Variants in ZNRF3 observed in about 807,000 individuals in gnomAD.
ZNRF3 encodes the protein E3 ubiquitin-protein ligase ZNRF3.
A neutral mutation model predicts 72.5 loss-of-function variants in ZNRF3; 23 were observed. That is an observed-to-expected ratio of 0.32 (90% CI 0.23 to 0.45). The LOEUF (loss-of-function observed/expected upper bound fraction) is 0.45, where lower values mean the gene tolerates loss of function less well. Ranked by LOEUF, ZNRF3 falls within the 20% of genes least tolerant of loss-of-function variation. The probability of loss-of-function intolerance (pLI) is 1.00; values close to 1 mark genes in which losing one functional copy is unlikely to be tolerated. For missense variants in ZNRF3, 1,169 were observed against 1,272.1 expected (o/e 0.92, Z 1.23); for synonymous variants, 610 against 545.3 (o/e 1.12, Z -1.65).
intron 2 of ZNRF3, among the ~76,000 whole-genome samples, chr22:29,028,572 C>G (rs1004133174): frequency 2.0e-5 from 3 of 152,090 alleles, no homozygotes; most frequent in Admixed American, 2.0e-4. Flanking sequence ...TTTTAGAACC[C>G]CCTGGGACAA....
chr22:28,942,107 T>C (rs1212337718), intron 1 of ZNRF3, among the ~76,000 whole-genome samples: 2 of 152,274 alleles, frequency 1.3e-5, no homozygotes, highest in Admixed American at 6.5e-5. Flanking sequence ...GTTTCAGGCC[T>C]GAAGCCAAAT....
In ZNRF3 at chr22:29,043,386, A is replaced by G. The variant is rs1271314041; in HGVS notation, c.589A>G (p.Lys197Glu). Residue 197 changes from lysine (K) to glutamate (E), a missense_variant, in exon 4 of 9, where the codon AAG (lysine) becomes GAG (glutamate). Around this residue, in one of 2 missense-constraint regions of ZNRF3, gnomAD observed 386 missense variants for 540.7 expected, o/e 0.71. Coordinates refer to ENST00000544604, the MANE Select transcript of ZNRF3 (RefSeq NM_001206998.2). ...DAIKLMNIVN[K>E]QKVARARIQH... ...CATTAAGCTGATGAACATCGTCAAC[A>G]AGCAGAAAGTGGCTCGAGCAAGGAT... 3 of 1,613,856 alleles carry G rather than the reference A, an allele frequency of 1.9e-6. No homozygotes were observed. Among genetic ancestry groups the G allele is most frequent in the East Asian group, 2.2e-5 (1 of 44,874 alleles).
rs1251184467 is a variant in ZNRF3, at chr22:28,884,038, C to A, written c.272C>A (p.Thr91Lys). The A allele has an allele frequency of 1.6e-6, 2 of 1,286,930 alleles. No homozygotes were observed. The highest frequency in any genetic ancestry group is 2.0e-6 in the Non-Finnish European group (2 of 997,532). The allele number at this position is 1,286,930 out of a possible 1,614,324, so 79.7% of individuals were successfully genotyped here. A position where few individuals can be genotyped will look rare whatever the true frequency, so the allele number is the denominator to read the frequency against. Residue 91 changes from threonine to lysine, a missense_variant, in exon 1 of 9, where the codon ACG (threonine) becomes AAG (lysine). Thr to Lys is a moderately conservative substitution (Grantham distance 78). Around this residue, in one of 2 missense-constraint regions of ZNRF3, gnomAD observed 386 missense variants for 540.7 expected, o/e 0.71. Coordinates refer to ENST00000544604, the MANE Select transcript of ZNRF3 (RefSeq NM_001206998.2). The part of the protein sequence containing the change: ...LTGRFSRAGA[T>K]LSAEGEIVQM... ...GGCCGCTTCTCGCGGGCCGGGGCCA[C>A]GCTCAGCGCCGAGGGCGAGATCGTG...
intron 2 of ZNRF3, among the ~76,000 whole-genome samples, chr22:29,039,199 A>C (rs1248441938): frequency 2.6e-5 from 4 of 152,206 alleles, no homozygotes; most frequent in Non-Finnish European, 5.9e-5. Flanking sequence ...TGAGTCCTTG[A>C]GACCTCCACG....
chr22:29,051,678 G>T (rs991004061), intron 8 of ZNRF3, among the ~76,000 whole-genome samples: 1 of 151,284 alleles, frequency 6.6e-6, no homozygotes, highest in Non-Finnish European at 1.5e-5. Flanking sequence ...AGGGCAAGGC[G>T]TGTGAATCAC....
At chr22:29,012,923 A>C (rs766527352) in intron 2 of ZNRF3, among the ~76,000 whole-genome samples, 1 of 152,214 alleles carries the variant, frequency 6.6e-6, no homozygotes, top group Non-Finnish European at 1.5e-5. Flanking sequence ...TACAGACATC[A>C]GCCATGGCTC....
intron 2 of ZNRF3, among the ~76,000 whole-genome samples, chr22:29,004,876 A>G (rs1009450705): frequency 2.6e-5 from 4 of 152,320 alleles, no homozygotes; most frequent in South Asian, 4.1e-4. Flanking sequence ...AAGGGCAGGG[A>G]CAGAGCAAGA....
At position 28,936,454 on chromosome 22, in the gene ZNRF3, T is replaced by G. The variant is rs764052060; in HGVS notation, c.301-50622T>G. On this transcript the variant is annotated intron_variant, in intron 1 of 8. Transcript: ENST00000544604. ...TACATCAGCAGGCAACCCTGACTCC[T>G]TTCAGCTCCTAGTGCCCCGGTACCT... Among the ~76,000 whole-genome samples the G allele has an allele frequency of 1.5e-3, 222 of 152,276 alleles. 4 individuals carry two copies. Among genetic ancestry groups the G allele is most frequent in the Non-Finnish European group, 4.9e-4 (33 of 68,020 alleles).
intron 2 of ZNRF3, among the ~76,000 whole-genome samples, chr22:29,014,244 A>C (rs4823003): frequency 0.57 from 86,802 of 151,876 alleles, 25,137 homozygotes; most frequent in African/African-American, 0.65. Context: ...TGATGGTTTT[A>C]TTGCTTTGGG....
intron 1 of ZNRF3, among the ~76,000 whole-genome samples, chr22:28,918,349 T>C (rs1812133694): frequency 6.6e-6 from 1 of 152,124 alleles, no homozygotes; most frequent in South Asian, 2.1e-4. Flanking sequence ...GAGTGGGGCT[T>C]GAATGCATTT....
At chr22:28,893,466 G>A (rs1050078477) in intron 1 of ZNRF3, among the ~76,000 whole-genome samples, 3 of 151,702 alleles carry the variant, frequency 2.0e-5, no homozygotes, top group Non-Finnish European at 2.9e-5. Context: ...GTGAGCCACC[G>A]TGCCAGCATT....
intron 8 of ZNRF3, 90 bp downstream of exon 8, chr22:29,051,038 T>G (rs1212082394): frequency 7.2e-7 from 1 of 1,393,642 alleles, no homozygotes; most frequent in African/African-American, 1.4e-5. Context: ...AATGACTTCT[T>G]TTGTGTCCTT....
At position 29,030,895 on chromosome 22, in the gene ZNRF3, C is replaced by G. The variant is rs1179028353; in HGVS notation, c.427-11600C>G. ...GTTTGTGGCTTCAGCGCTTTGATCT[C>G]CTGCCAGGGAAACCTGGAAGGTCAG... On this transcript the variant is annotated intron_variant, in intron 2 of 8. Transcript: ENST00000544604. The surrounding 1 kb of genome is among the most constrained non-coding windows in gnomAD (Gnocchi z 4.2). Among the ~76,000 whole-genome samples, 13 of 152,208 alleles carry G rather than the reference C, an allele frequency of 8.5e-5. No homozygotes were observed. The highest frequency in any genetic ancestry group is 8.5e-4 in the Admixed American group (13 of 15,290).
At chr22:29,015,833 C>T (rs2036420954) in intron 2 of ZNRF3, among the ~76,000 whole-genome samples, 1 of 151,798 alleles carries the variant, frequency 6.6e-6, no homozygotes, top group African/African-American at 2.4e-5. Context: ...GCCTGACCAA[C>T]ATGGTGAAAC....
chr22:29,021,236 A>C (rs923305703), intron 2 of ZNRF3, among the ~76,000 whole-genome samples: 6 of 151,716 alleles, frequency 4.0e-5, no homozygotes, highest in Admixed American at 3.9e-4. Flanking sequence ...CTGTCTCAAA[A>C]AAAATAAATA....
At chr22:28,930,034 G>GT (rs2034677063) in intron 1 of ZNRF3, among the ~76,000 whole-genome samples, 1 of 152,012 alleles carries the variant, frequency 6.6e-6, no homozygotes, top group Non-Finnish European at 1.5e-5. Flanking sequence ...TTATTTGTTT[G>GT]TTTTTTCAAA....
At chr22:29,038,297 T>G (rs76927858) in intron 2 of ZNRF3, among the ~76,000 whole-genome samples, 7,018 of 151,552 alleles carry the variant, frequency 0.046, 221 homozygotes, top group South Asian at 0.081. Context: ...AAACTGAAAA[T>G]AAGGGCAGGG....
chr22:28,908,461 T>G (rs1417473861), intron 1 of ZNRF3, among the ~76,000 whole-genome samples: 1 of 152,104 alleles, frequency 6.6e-6, no homozygotes, highest in Non-Finnish European at 1.5e-5. Flanking sequence ...TATGCGAGAG[T>G]CACTAACTAG....
At chr22:28,909,506 C>G (rs2034275129) in intron 1 of ZNRF3, among the ~76,000 whole-genome samples, 1 of 151,924 alleles carries the variant, frequency 6.6e-6, no homozygotes, top group Non-Finnish European at 1.5e-5. Flanking sequence ...CTATGCAAAT[C>G]AGGTCTGCAT....
Sources: gnomAD v4.1 joint callset for allele counts (sites outside exome capture counted in the v4.1 genomes callset) on GRCh38, gnomAD v4.1.1 for gene constraint, gnomAD v4.1.1 regional missense constraint, Gnocchi (gnomAD v3.1) non-coding constraint, MANE v1.5 for transcripts, NCBI Gene and HGNC (gene_info 2026-07-23, HGNC 2026-07-21) for gene names.